Variants in HS3ST4 observed in about 807,000 individuals in gnomAD.
HS3ST4 encodes heparan sulfate-glucosamine 3-sulfotransferase 4, also known as heparan sulfate glucosamine 3-O-sulfotransferase 4.
A neutral mutation model predicts 29.2 loss-of-function variants in HS3ST4; 17 were observed. That is an observed-to-expected ratio of 0.58 (90% CI 0.40 to 0.87). The LOEUF is 0.87. Ranked by LOEUF, HS3ST4 falls within the 40% of genes least tolerant of loss-of-function variation. The pLI is 0.00. For missense variants in HS3ST4, 627 were observed against 634.5 expected (o/e 0.99, Z 0.13); for synonymous variants, 314 against 285.7 (o/e 1.10, Z -1.00).
intron 1 of HS3ST4, among the ~76,000 whole-genome samples, chr16:25,794,202 T>G (rs1966876632): frequency 6.6e-6 from 1 of 152,150 alleles, no homozygotes; most frequent in South Asian, 2.1e-4. Flanking sequence ...CTCTCTCTTC[T>G]AGGCTTTTGC....
chr16:25,807,515 G>T (rs561435575), intron 1 of HS3ST4, among the ~76,000 whole-genome samples: 10 of 152,120 alleles, frequency 6.6e-5, no homozygotes, highest in Non-Finnish European at 1.2e-4. Flanking sequence ...TTACTAAGTG[G>T]TATTCCATAA....
chr16:25,906,574 A>G (rs1968183015), intron 1 of HS3ST4, among the ~76,000 whole-genome samples: 1 of 152,214 alleles, frequency 6.6e-6, no homozygotes, highest in Non-Finnish European at 1.5e-5. Context: ...AAGCAGATAA[A>G]TATAAAATAT....
intron 1 of HS3ST4, among the ~76,000 whole-genome samples, chr16:26,028,374 A>G (rs116155419): frequency 6.0e-4 from 92 of 152,204 alleles, no homozygotes; most frequent in African/African-American, 2.1e-3. Flanking sequence ...AAAGATGATC[A>G]TAAAGATAAA....
chr16:25,886,456 C>A (rs374671578), intron 1 of HS3ST4, among the ~76,000 whole-genome samples: 1 of 152,278 alleles, frequency 6.6e-6, no homozygotes, highest in African/African-American at 2.4e-5. Flanking sequence ...TTATCCAAAT[C>A]TGCATTCCCA....
Position 25,951,856 on chromosome 16 carries a change from G to A in HS3ST4, c.735-183756G>A, listed in dbSNP as rs142731114. Among the ~76,000 whole-genome samples the A allele has an allele frequency of 5.7e-3, 863 of 152,122 alleles. 8 individuals carry two copies. Among genetic ancestry groups the A allele is most frequent in the African/African-American group, 0.02 (829 of 41,486 alleles). ...CACATTTAGTCTGCCACCTGACTTT[G>A]TACAGCCCACGAGCTAAGAATGATT... On this transcript the variant is annotated intron_variant, in intron 1 of 1. Transcript: ENST00000331351.
intron 1 of HS3ST4, among the ~76,000 whole-genome samples, chr16:25,715,088 C>T (rs967819564): frequency 6.6e-6 from 1 of 151,382 alleles, no homozygotes; most frequent in African/African-American, 2.4e-5. Context: ...TTTGGGAGGC[C>T]GAGGCGGGTG....
intron 1 of HS3ST4, among the ~76,000 whole-genome samples, chr16:25,869,235 G>T (rs1967725109): frequency 6.6e-6 from 1 of 152,022 alleles, no homozygotes; most frequent in Non-Finnish European, 1.5e-5. Context: ...AGCATTGGTG[G>T]TGTGGGTTCA....
At chr16:25,955,706 T>C (rs753711632) in intron 1 of HS3ST4, among the ~76,000 whole-genome samples, 3 of 152,090 alleles carry the variant, frequency 2.0e-5, no homozygotes, top group Non-Finnish European at 4.4e-5. Context: ...GTGGTTGGTG[T>C]GTTTTAGGCA....
intron 1 of HS3ST4, among the ~76,000 whole-genome samples, chr16:25,901,500 G>A (rs559635359): frequency 1.7e-4 from 26 of 152,154 alleles, no homozygotes; most frequent in African/African-American, 4.6e-4. Flanking sequence ...GAGAAACCCC[G>A]TCTCTACCAA....
intron 1 of HS3ST4, among the ~76,000 whole-genome samples, chr16:26,115,164 T>A (rs5006569): frequency 0.63 from 95,035 of 151,640 alleles, 30,174 homozygotes; most frequent in Middle Eastern, 0.68. Flanking sequence ...ACACATACAC[T>A]GACACTCACC....
In HS3ST4 at chr16:25,692,876, G is replaced by T. The variant is rs765043003; in HGVS notation, c.459G>T (p.Gln153His). ...CCCCCAGCGAGATGATCACGGCTCA[G>T]AGCGCGCTGCCGGAGAGGGAAGCGC... is the stretch of plus-strand genomic sequence containing the variant. ...PLAPSEMITA[Q>H]SALPEREAQE... The change falls in exon 1 of 2, where the codon CAG (glutamine) becomes CAT (histidine). Residue 153 changes from glutamine (Q) to histidine (H), a missense_variant. Gln to His is a conservative substitution (Grantham distance 24, BLOSUM62 0). Coordinates refer to ENST00000331351, the MANE Select transcript of HS3ST4 (RefSeq NM_006040.3). 3.9e-6 allele frequency: 6 copies of T among 1,543,750 alleles called. No individual in the cohort carries two copies. In the East Asian group the frequency reaches 1.5e-4, roughly 38 times the overall value.
chr16:25,923,510 G>A (rs1968374767), intron 1 of HS3ST4, among the ~76,000 whole-genome samples: 1 of 152,148 alleles, frequency 6.6e-6, no homozygotes, highest in Non-Finnish European at 1.5e-5. Flanking sequence ...AGAGTGAACA[G>A]GTTTCTGTGA....
intron 1 of HS3ST4, among the ~76,000 whole-genome samples, chr16:25,920,394 AT>A (rs939676740): frequency 6.6e-6 from 1 of 151,934 alleles, no homozygotes; most frequent in Non-Finnish European, 1.5e-5. Context: ...TCTGCAACTC[AT>A]TTTTTGAAGT....
chr16:25,754,374 A>G (rs9937563), intron 1 of HS3ST4, among the ~76,000 whole-genome samples: 72,550 of 149,328 alleles, frequency 0.49, 18,592 homozygotes, highest in Non-Finnish European at 0.57. Context: ...CCACCCACCC[A>G]TTCACTTAGC....
chr16:26,004,396 A>G (rs886233490), intron 1 of HS3ST4, among the ~76,000 whole-genome samples: 3 of 152,194 alleles, frequency 2.0e-5, no homozygotes, highest in Non-Finnish European at 4.4e-5. Flanking sequence ...TGCTGTGGTA[A>G]GGTTAGCATT....
At chr16:25,938,296 G>T (rs1195091169) in intron 1 of HS3ST4, among the ~76,000 whole-genome samples, 1 of 152,172 alleles carries the variant, frequency 6.6e-6, no homozygotes, top group African/African-American at 2.4e-5. Context: ...GAGGACCTCA[G>T]GCCATAATAA....
At chr16:26,120,783 A>T (rs1215305499) in intron 1 of HS3ST4, among the ~76,000 whole-genome samples, 2 of 152,256 alleles carry the variant, frequency 1.3e-5, no homozygotes, top group African/African-American at 4.8e-5. Context: ...GGTTTCTTGG[A>T]TCACAAGGAA....
intron 1 of HS3ST4, among the ~76,000 whole-genome samples, chr16:25,740,101 C>T (rs1247124149): frequency 6.6e-6 from 1 of 152,112 alleles, no homozygotes; most frequent in Non-Finnish European, 1.5e-5. Flanking sequence ...GGATGATCGT[C>T]ATCTGCATCC....
chr16:25,941,572 G>GC (rs2141692459), intron 1 of HS3ST4, among the ~76,000 whole-genome samples: 1 of 151,760 alleles, frequency 6.6e-6, no homozygotes, highest in Non-Finnish European at 1.5e-5. Context: ...CTTCGTTTTT[G>GC]TTTTTGTTTT....
Sources: gnomAD v4.1 joint callset for allele counts (sites outside exome capture counted in the v4.1 genomes callset) on GRCh38, gnomAD v4.1.1 for gene constraint, MANE v1.5 for transcripts, NCBI Gene and HGNC (gene_info 2026-07-23, HGNC 2026-07-21) for gene names.